CHST8: variants seen among roughly 807,000 people sequenced by gnomAD.
CHST8 encodes the protein GALNAC-4-ST1.
Under a neutral mutation model 15.0 loss-of-function variants are expected in CHST8, and 10 were observed. That is an observed-to-expected ratio of 0.67 (90% confidence interval 0.41 to 1.13). The LOEUF is 1.13. Ranked by LOEUF, CHST8 falls within the 50% of genes most tolerant of loss-of-function variation. The pLI, the probability that CHST8 is intolerant of heterozygous loss-of-function variation, is 0.00. For synonymous variants in CHST8, 259 were observed against 256.6 expected, an observed-to-expected ratio of 1.01 and a Z score of -0.09; for missense variants, 634 against 608.2, an observed-to-expected ratio of 1.04 and a Z score of -0.45.
intron 2 of CHST8, among the ~76,000 whole-genome samples, chr19:33,682,631 C>T (rs984245406): frequency 8.5e-5 from 13 of 152,212 alleles, no homozygotes; most frequent in African/African-American, 2.7e-4. Context: ...CCTGGTACTT[C>T]ACACAAGTGG....
rs772073198 is a variant in CHST8 at position 33,689,336 on chromosome 19, C to A, written c.75C>A (p.Leu25=). Residue 25 remains leucine (L), a synonymous_variant, in exon 3 of 5, where the codon CTC becomes CTA. Transcript: ENST00000650847. ...SSILLFGAAG[L]LLFISLQDPT... is the part of the protein sequence containing the mutation. ...TCCTGCTGTTCGGAGCTGCAGGCCT[C>A]CTCCTCTTCATCAGCCTGCAGGACC... 1.9e-6 allele frequency: 3 copies of A among 1,609,782 alleles called. No homozygotes were observed.
At chr19:33,770,103 G>C (rs1353939131) in intron 3 of CHST8, among the ~76,000 whole-genome samples, 1 of 152,208 alleles carries the variant, frequency 6.6e-6, no homozygotes, top group African/African-American at 2.4e-5. Context: ...GGGCATGGCA[G>C]TGGCTGAGTC....
At chr19:33,723,260 G>A (rs1271493782) in intron 3 of CHST8, among the ~76,000 whole-genome samples, 5 of 152,352 alleles carry the variant, frequency 3.3e-5, no homozygotes, top group South Asian at 2.1e-4. Context: ...GCATGACTGC[G>A]TATGTGCAGA....
At chr19:33,697,705 C>G (rs1973247389) in intron 3 of CHST8, among the ~76,000 whole-genome samples, 1 of 152,216 alleles carries the variant, frequency 6.6e-6, no homozygotes, top group African/African-American at 2.4e-5. Flanking sequence ...ACTGTCTGCC[C>G]AGCACTTGGG....
chr19:33,717,665 C>T (rs1182572428), intron 3 of CHST8, among the ~76,000 whole-genome samples: 1 of 152,082 alleles, frequency 6.6e-6, no homozygotes, highest in Non-Finnish European at 1.5e-5. Flanking sequence ...TCGGAACTGT[C>T]ACAGCACTGG....
Position 33,752,528 on chromosome 19 carries a change from T to C in CHST8, c.131-18885T>C, listed in dbSNP as rs80322394. On this transcript the variant is annotated intron_variant, in intron 3 of 4. Coordinates refer to ENST00000650847, the MANE Select transcript of CHST8 (RefSeq NM_001127895.2). ...ATTCGTATTTCACAGGCAACGATACTGAGGAGCATGGCAGAGCCCAGACAG... is the reference window on the plus strand; with the variant it reads ...ATTCGTATTTCACAGGCAACGATACCGAGGAGCATGGCAGAGCCCAGACAG... Among the ~76,000 whole-genome samples, 3 of 152,328 alleles carry C rather than the reference T, an allele frequency of 2.0e-5. No homozygotes were observed. The East Asian group carries it at 5.8e-4, about 29-fold the overall frequency.
In CHST8 at chr19:33,772,148, A is replaced by C; in HGVS notation, c.360A>C (p.Pro120=). 1 of 1,605,496 alleles carries C rather than the reference A, an allele frequency of 6.2e-7. No individual in the cohort carries two copies. Among genetic ancestry groups the C allele is most frequent in the Non-Finnish European group, 8.5e-7 (1 of 1,176,870 alleles). The change falls in exon 5 of 5, where the codon CCA becomes CCC. Residue 120 remains proline, a synonymous_variant. Coordinates refer to ENST00000650847, the MANE Select transcript of CHST8 (RefSeq NM_001127895.2). ...GCCGTCTGCTCATCAAGAAAATGCC[A>C]GCTGCGGCGACCATCCCGGCCAACA... The part of the protein sequence containing the change: ...RRRRLLIKKM[P]AAATIPANSS...
At chr19:33,727,707 A>G (rs1006607187) in intron 3 of CHST8, among the ~76,000 whole-genome samples, 4 of 152,210 alleles carry the variant, frequency 2.6e-5, no homozygotes, top group African/African-American at 9.7e-5. Flanking sequence ...TTGCTGCGTT[A>G]GGTTTTAAAG....
intron 3 of CHST8, among the ~76,000 whole-genome samples, chr19:33,694,730 C>T (rs1226891578): frequency 6.6e-6 from 1 of 152,128 alleles, no homozygotes. Context: ...CAGCTGTCCA[C>T]CACCACACCT....
At chr19:33,648,733 A>G (rs1972389258) in intron 1 of CHST8, among the ~76,000 whole-genome samples, 1 of 152,134 alleles carries the variant, frequency 6.6e-6, no homozygotes, top group Non-Finnish European at 1.5e-5. Context: ...ATGAAAATAT[A>G]TGTCCCCAAA....
chr19:33,752,693 A>G (rs1465570555), intron 3 of CHST8, among the ~76,000 whole-genome samples: 2 of 152,328 alleles, frequency 1.3e-5, no homozygotes, highest in East Asian at 3.9e-4. Context: ...GATTGTGGCA[A>G]TTAAAATCCT....
chr19:33,729,536 G>T (rs531889484), intron 3 of CHST8, among the ~76,000 whole-genome samples: 31 of 152,374 alleles, frequency 2.0e-4, no homozygotes, highest in African/African-American at 7.2e-4. Flanking sequence ...GATTGCAAGA[G>T]CATGTTGCCA....
chr19:33,771,789 T>C (rs1423537033), intron 4 of CHST8, among the ~76,000 whole-genome samples, 168 bp from the exon 5 acceptor site: 1 of 152,100 alleles, frequency 6.6e-6, no homozygotes, highest in East Asian at 1.9e-4. Flanking sequence ...GGGAGGCCTT[T>C]GGGTGCCGGG....
chr19:33,661,528 C>T (rs193202301), intron 1 of CHST8, among the ~76,000 whole-genome samples: 282 of 152,290 alleles, frequency 1.9e-3, no homozygotes, highest in African/African-American at 6.1e-3. Flanking sequence ...GAGGGTCCAT[C>T]GAGCCCTTTG....
rs115571009 is a variant in CHST8, at chr19:33,730,133, G to C, written c.130+40742G>C. Among the ~76,000 whole-genome samples, 719 of 152,280 alleles carry C rather than the reference G, an allele frequency of 4.7e-3. 3 individuals carry two copies. Among genetic ancestry groups the C allele is most frequent in the African/African-American group, 0.016 (650 of 41,544 alleles). ...GTGCCATGTGACTTTCTGCTACAAG[G>C]AAGTGGGCCAAAGTGCAGCCTGATT... On this transcript the variant is annotated intron_variant, in intron 3 of 4. Coordinates refer to ENST00000650847, the MANE Select transcript of CHST8 (RefSeq NM_001127895.2).
At chr19:33,688,631 C>T (rs1422187481) in intron 2 of CHST8, among the ~76,000 whole-genome samples, 2 of 152,264 alleles carry the variant, frequency 1.3e-5, no homozygotes, top group African/African-American at 4.8e-5. Context: ...GAGAGTCCGT[C>T]TGTGCTTGAA....
chr19:33,685,421 A>T (rs78774807), intron 2 of CHST8, among the ~76,000 whole-genome samples: 4,302 of 151,350 alleles, frequency 0.028, 189 homozygotes, highest in African/African-American at 0.097. Flanking sequence ...AAAAGCCACC[A>T]GGAGGACTAG....
intron 3 of CHST8, among the ~76,000 whole-genome samples, chr19:33,701,027 G>A (rs949103498): frequency 3.9e-5 from 6 of 152,268 alleles, no homozygotes; most frequent in East Asian, 1.9e-4. Flanking sequence ...GCGTCTGGGC[G>A]GTGCTAGCTT....
intron 3 of CHST8, among the ~76,000 whole-genome samples, chr19:33,696,777 A>G (rs1283864425): frequency 1.3e-5 from 2 of 151,738 alleles, no homozygotes; most frequent in African/African-American, 4.8e-5. Context: ...ACTAATTTAC[A>G]TTCCCACCAG....
Sources: allele counts gnomAD v4.1 joint callset (sites outside exome capture counted in the v4.1 genomes callset), GRCh38; gene constraint gnomAD v4.1.1; transcripts MANE v1.5; gene names NCBI Gene and HGNC (gene_info 2026-07-23, HGNC 2026-07-21).